The following GUCY1B1 variants were observed in gnomAD, a reference collection of about 807,000 sequenced individuals.
GUCY1B1 encodes guanylate cyclase 1 soluble subunit beta 1.
GUCY1B1 carries 43 observed loss-of-function variants against 71.0 expected under a neutral mutation model. The observed-to-expected ratio is 0.61, with a 90% CI of 0.47 to 0.78. The LOEUF (loss-of-function observed/expected upper bound fraction) is 0.78. Ranked by LOEUF, GUCY1B1 falls within the 30% of genes least tolerant of loss-of-function variation. The probability of loss-of-function intolerance (pLI) is 0.00; values close to 1 mark genes in which losing one functional copy is unlikely to be tolerated. For synonymous variants in GUCY1B1, 266 were observed against 259.7 expected, an observed-to-expected ratio of 1.02 and a Z score of -0.23; for missense variants, 535 against 754.1, an observed-to-expected ratio of 0.71 and a Z score of 3.40.
In GUCY1B1 at chr4:155,759,862, T is replaced by C; in HGVS notation, c.77+2T>C. On this transcript the variant is annotated splice_donor_variant, in intron 2 of 13. Transcript: ENST00000264424. LOFTEE classifies it high-confidence loss of function. ...CCCCGAGGTGTGGGAAGACATCAAGTAAGTGGCCGGCTACCCTGGCTGTGG... is the reference window on the plus strand; with the variant it reads ...CCCCGAGGTGTGGGAAGACATCAAGCAAGTGGCCGGCTACCCTGGCTGTGG... 1 of 1,609,026 alleles carries C rather than the reference T, an allele frequency of 6.2e-7. No individual in the cohort carries two copies. Among genetic ancestry groups the C allele is most frequent in the Non-Finnish European group, 8.5e-7 (1 of 1,176,284 alleles).
chr4:155,780,871 G>A (rs952476290), intron 4 of GUCY1B1, among the ~76,000 whole-genome samples: 1 of 152,146 alleles, frequency 6.6e-6, no homozygotes, highest in Non-Finnish European at 1.5e-5. Flanking sequence ...GCTTGTATCT[G>A]TTGACACTTT....
chr4:155,760,945 A>T (rs1158159950), intron 2 of GUCY1B1, among the ~76,000 whole-genome samples: 5 of 152,184 alleles, frequency 3.3e-5, no homozygotes, highest in Non-Finnish European at 2.9e-5. Flanking sequence ...AACAGGCCTT[A>T]TTATGCAGTT....
chr4:155,805,039 A>T (rs554603269), intron 12 of GUCY1B1, 64 bp from the exon 13 acceptor site: 1 of 1,405,444 alleles, frequency 7.1e-7, no homozygotes, highest in South Asian at 1.2e-5. Context: ...AACATGATAC[A>T]TGTCACCTTC....
intron 2 of GUCY1B1, among the ~76,000 whole-genome samples, chr4:155,763,003 A>G (rs1737101453): frequency 6.6e-6 from 1 of 152,152 alleles, no homozygotes; most frequent in Admixed American, 6.5e-5. Context: ...TCCTTTTAAG[A>G]GGCTATGATT....
chr4:155,776,853 T>C (rs1738085944), intron 3 of GUCY1B1, among the ~76,000 whole-genome samples: 1 of 152,180 alleles, frequency 6.6e-6, no homozygotes. Flanking sequence ...ATTTTAAAAA[T>C]CTGTGTTTTT....
intron 9 of GUCY1B1, among the ~76,000 whole-genome samples, chr4:155,801,062 T>C (rs1739918571): frequency 6.6e-6 from 1 of 152,196 alleles, no homozygotes; most frequent in South Asian, 2.1e-4. Flanking sequence ...ATGCAGATAT[T>C]CTGTACTGAA....
chr4:155,759,529 G>C (rs1736809342), intron 1 of GUCY1B1: 2 of 521,874 alleles, frequency 3.8e-6, no homozygotes, highest in African/African-American at 2.0e-5. Context: ...AGCCTCTCCC[G>C]GAGCGGTGAC....
At chr4:155,779,500 A>C (rs1169056364) in intron 4 of GUCY1B1, among the ~76,000 whole-genome samples, 3 of 144,398 alleles carry the variant, frequency 2.1e-5, no homozygotes, top group Non-Finnish European at 3.1e-5. Flanking sequence ...TTTAAATTAT[A>C]CACAATTTTA....
chr4:155,792,234 T>C (rs562540574), intron 5 of GUCY1B1, among the ~76,000 whole-genome samples: 1 of 152,304 alleles, frequency 6.6e-6, no homozygotes, highest in East Asian at 1.9e-4. Flanking sequence ...CATAAAGTGA[T>C]ATACCAATGA....
Position 155,794,031 on chromosome 4 carries a change from A to G in GUCY1B1, c.671A>G (p.Asp224Gly). The stretch of plus-strand genomic sequence containing the variant: ...GCTTTTCCTTTTCATATAATATTTG[A>G]CCGGGACCTAGTGGTCACTCAGTGT... ...CKAFPFHIIF[D>G]RDLVVTQCGN... Residue 224 changes from aspartate (D) to glycine (G), a missense_variant, in exon 6 of 14, where the codon GAC becomes GGC. By Grantham distance (94) the Asp-to-Gly change is moderately conservative (BLOSUM62 -1). Transcript: ENST00000264424. 1 of 1,613,318 alleles carries G rather than the reference A, an allele frequency of 6.2e-7. No homozygotes were observed. The highest frequency in any genetic ancestry group is 8.5e-7 in the Non-Finnish European group (1 of 1,179,338).
chr4:155,770,143 C>T (rs13129483), intron 2 of GUCY1B1, among the ~76,000 whole-genome samples: 2,407 of 152,212 alleles, frequency 0.016, 37 homozygotes, highest in South Asian at 0.052. Flanking sequence ...GATAATATTA[C>T]TTGAATTATG....
chr4:155,806,536 A>C lies in GUCY1B1; in HGVS notation c.*127A>C, dbSNP rs72974452. 5.0e-3 allele frequency: 3,221 copies of C among 647,688 alleles called. 86 individuals are homozygous for C. In the African/African-American group the frequency reaches 0.051, roughly 10 times the overall value. The allele number at this position is 647,688 out of a possible 1,614,324, so 40.1% of individuals were successfully genotyped here. ...TTTTGTCCTTGTCCATTACCCCAAG[A>C]CTTTCTTCTAGATATATCTCTCACT... On this transcript the variant is annotated 3_prime_UTR_variant, in exon 14 of 14. Coordinates refer to ENST00000264424, the MANE Select transcript of GUCY1B1 (RefSeq NM_000857.5).
chr4:155,780,108 C>T (rs1464717502), intron 4 of GUCY1B1, among the ~76,000 whole-genome samples: 1 of 152,128 alleles, frequency 6.6e-6, no homozygotes, highest in Non-Finnish European at 1.5e-5. Context: ...TGTCTCTCGT[C>T]GTATCGTTTT....
At chr4:155,785,216 G>A (rs1359879875) in intron 4 of GUCY1B1, 1 of 715,530 alleles carries the variant, frequency 1.4e-6, no homozygotes, top group South Asian at 1.7e-5. Context: ...ATAGATGAAT[G>A]GACCTACTCT....
At chr4:155,771,822 A>G (rs1737711502) in intron 2 of GUCY1B1, among the ~76,000 whole-genome samples, 1 of 152,206 alleles carries the variant, frequency 6.6e-6, no homozygotes, top group African/African-American at 2.4e-5. Context: ...TATGTCTACA[A>G]TGCAATTTTA....
In GUCY1B1 at chr4:155,795,358, C is replaced by T. The variant is rs772642716; in HGVS notation, c.744C>T (p.Cys248=). 7 of 1,602,176 alleles carry T rather than the reference C, an allele frequency of 4.4e-6. No homozygotes were observed. The South Asian group carries it at 6.6e-5, about 15-fold the overall frequency. ...TATTTTAGCTCCAGCCTGGGAATTG[C>T]AGCCTTCTGTCTGTCTTCTCGCTGG... ...RVLPQLQPGN[C]SLLSVFSLVR... is the part of the protein sequence containing the mutation. The change falls in exon 7 of 14, where the codon TGC becomes TGT. Residue 248 remains cysteine, a synonymous_variant. Coordinates refer to ENST00000264424, the MANE Select transcript of GUCY1B1 (RefSeq NM_000857.5).
chr4:155,762,849 A>T (rs1440614668), intron 2 of GUCY1B1, among the ~76,000 whole-genome samples: 6 of 152,164 alleles, frequency 3.9e-5, no homozygotes, highest in Non-Finnish European at 8.8e-5. Context: ...AAACAACCAA[A>T]CCAGACAAAG....
intron 4 of GUCY1B1, among the ~76,000 whole-genome samples, chr4:155,786,461 CTTTTTTTT>C (rs70954058): frequency 1.9e-4 from 7 of 37,152 alleles, no homozygotes; most frequent in Admixed American, 3.7e-4. Flanking sequence ...TTCTTTCTTT[CTTTTTTTT>C]TTTTTTTTTT....
At position 155,802,433 on chromosome 4, in the gene GUCY1B1, C is replaced by T; in HGVS notation, c.1267C>T (p.Leu423Phe). The change falls in exon 10 of 14, where the codon CTC (leucine) becomes TTC (phenylalanine). Residue 423 changes from leucine to phenylalanine, a missense_variant. By Grantham distance (22) the Leu-to-Phe change is conservative. Transcript: ENST00000264424. The surrounding 1 kb of genome is among the most constrained non-coding windows in gnomAD (Gnocchi z 4.3). ...PAKRYDNVTI[L>F]FSGIVGFNAF... ...CAAAAGATATGACAATGTGACCATC[C>T]TCTTTAGTGGCATTGTGGGCTTCAA... 1.2e-6 allele frequency: 2 copies of T among 1,613,808 alleles called. No individual in the cohort carries two copies. Among genetic ancestry groups the T allele is most frequent in the Non-Finnish European group, 1.7e-6 (2 of 1,179,752 alleles).
Sources: allele counts gnomAD v4.1 joint callset (sites outside exome capture counted in the v4.1 genomes callset), GRCh38; gene constraint gnomAD v4.1.1; non-coding constraint Gnocchi (gnomAD v3.1); transcripts MANE v1.5; gene names NCBI Gene and HGNC (gene_info 2026-07-23, HGNC 2026-07-21).